The following PIK3C2G variants were observed in gnomAD, a reference collection of about 807,000 sequenced individuals.
PIK3C2G encodes phosphatidylinositol-4-phosphate 3-kinase catalytic subunit type 2 gamma.
PIK3C2G carries 168 observed loss-of-function variants against 181.1 expected under a neutral mutation model. That is an observed-to-expected ratio of 0.93 (90% CI 0.82 to 1.05). PIK3C2G has a LOEUF of 1.05. PIK3C2G is among the 50% of genes least tolerant of loss of function. The pLI, the probability that PIK3C2G is intolerant of heterozygous loss-of-function variation, is 0.00. For synonymous variants in PIK3C2G, 573 were observed against 592.2 expected (o/e 0.97, Z 0.47); for missense variants, 1,869 against 1,732.8 (o/e 1.08, Z -1.40).
intron 25 of PIK3C2G, among the ~76,000 whole-genome samples, chr12:18,545,744 G>A (rs552767404): frequency 2.0e-5 from 3 of 151,936 alleles, no homozygotes; most frequent in Admixed American, 1.3e-4. Context: ...GAATCATGGA[G>A]TCATAAAAGA....
At chr12:18,348,326 A>ACG in intron 11 of PIK3C2G, among the ~76,000 whole-genome samples, 1 of 151,530 alleles carries the variant, frequency 6.6e-6, no homozygotes, top group African/African-American at 2.4e-5. Context: ...GTGTGCATTT[A>ACG]CGCGTGTGTG....
At chr12:18,593,520 T>A (rs1387632119) in intron 29 of PIK3C2G, among the ~76,000 whole-genome samples, 1 of 151,872 alleles carries the variant, frequency 6.6e-6, no homozygotes, top group East Asian at 1.9e-4. Flanking sequence ...ACAGGGAGGC[T>A]GTCAGGCAGC....
At chr12:18,651,305 C>A (rs10743278), downstream of PIK3C2G, among the ~76,000 whole-genome samples, 5 of 151,554 alleles carry the variant, frequency 3.3e-5, 1 homozygote, top group South Asian at 4.2e-4. Context: ...CGTCTCTGCC[C>A]TGCCTACCTT....
At chr12:18,331,638 C>G (rs1169220142) in intron 8 of PIK3C2G, among the ~76,000 whole-genome samples, 1 of 151,962 alleles carries the variant, frequency 6.6e-6, no homozygotes, top group Non-Finnish European at 1.5e-5. Context: ...GTCTATAGCC[C>G]TCTTATTTTT....
the PIK3C2G span, among the ~76,000 whole-genome samples, chr12:18,708,312 T>C: frequency 6.6e-6 from 1 of 152,202 alleles, no homozygotes; most frequent in Non-Finnish European, 1.5e-5. Context: ...CTTAACATAA[T>C]GTCCTCACTC....
At chr12:18,702,044 T>A in the PIK3C2G span, among the ~76,000 whole-genome samples, 1 of 152,174 alleles carries the variant, frequency 6.6e-6, no homozygotes, top group East Asian at 1.9e-4. Flanking sequence ...AAGTTGGTAC[T>A]ATTCCAACAA....
chr12:18,675,748 T>C, the PIK3C2G span, among the ~76,000 whole-genome samples: 1 of 152,096 alleles, frequency 6.6e-6, no homozygotes, highest in African/African-American at 2.4e-5. Flanking sequence ...TGGAGTCCAT[T>C]ATTTTAAGTG....
chr12:18,586,456 G>T (rs948520935), intron 29 of PIK3C2G, among the ~76,000 whole-genome samples: 4 of 151,830 alleles, frequency 2.6e-5, no homozygotes, highest in African/African-American at 7.3e-5. Context: ...ACCTCTATGC[G>T]CACAAACTAG....
At chr12:18,678,409 G>A in the PIK3C2G span, among the ~76,000 whole-genome samples, 772 of 152,062 alleles carry the variant, frequency 5.1e-3, 7 homozygotes, top group African/African-American at 0.017. Flanking sequence ...AATTTGATTC[G>A]TTTTGACATA....
chr12:18,657,820 G>GA, the PIK3C2G span, among the ~76,000 whole-genome samples: 10 of 151,200 alleles, frequency 6.6e-5, no homozygotes, highest in South Asian at 2.1e-4. Flanking sequence ...CCCATACACA[G>GA]AAAAAAAAGG....
intron 24 of PIK3C2G, among the ~76,000 whole-genome samples, chr12:18,523,768 G>A (rs758147271): frequency 6.6e-6 from 1 of 152,168 alleles, no homozygotes; most frequent in Non-Finnish European, 1.5e-5. Flanking sequence ...CCAGTATGGG[G>A]AAAACTTAAA....
intron 18 of PIK3C2G, among the ~76,000 whole-genome samples, chr12:18,470,146 G>T (rs563010077): frequency 6.6e-6 from 1 of 152,084 alleles, no homozygotes; most frequent in East Asian, 1.9e-4. Context: ...TAAACAATTT[G>T]GGAGATATTA....
At chr12:18,382,275 A>T (rs1244676184) in intron 14 of PIK3C2G, among the ~76,000 whole-genome samples, 1 of 152,190 alleles carries the variant, frequency 6.6e-6, no homozygotes, top group Non-Finnish European at 1.5e-5. Flanking sequence ...CTTCTGTTAT[A>T]TGTTTCTTAA....
intron 12 of PIK3C2G, among the ~76,000 whole-genome samples, chr12:18,364,618 C>A (rs1941506717): frequency 6.6e-6 from 1 of 152,046 alleles, no homozygotes; most frequent in African/African-American, 2.4e-5. Flanking sequence ...TATTAACCAA[C>A]CCAGGTGCGG....
rs1320701274 is a variant in PIK3C2G, at chr12:18,282,378, T to C, written c.297T>C (p.His99=). Residue 99 remains histidine, a synonymous_variant, in exon 2 of 33, where the codon CAT becomes CAC. Transcript: ENST00000538779. ...CTAAAAGCCGTGAACTCTCCTGGCA[T>C]CAAGTTAGCAAAGCACCAGCAATTG... is the stretch of plus-strand genomic sequence containing the variant. ...FTSKSRELSW[H]QVSKAPAIGF... The C allele has an allele frequency of 6.2e-7, 1 of 1,613,730 alleles. No individual in the cohort carries two copies. The highest frequency in any genetic ancestry group is 8.5e-7 in the Non-Finnish European group (1 of 1,179,712).
intron 11 of PIK3C2G, 143 bp from the exon 12 acceptor site, chr12:18,362,618 ATTC>A (rs1454031855): frequency 8.5e-6 from 5 of 588,952 alleles, no homozygotes; most frequent in African/African-American, 7.8e-5. Context: ...CTCAGCCTAA[ATTC>A]TTAAAGCAAT....
intron 18 of PIK3C2G, among the ~76,000 whole-genome samples, chr12:18,487,376 G>C (rs970970840): frequency 4.6e-5 from 7 of 151,960 alleles, no homozygotes; most frequent in Non-Finnish European, 1.0e-4. Flanking sequence ...ACATTGGACA[G>C]AGATGCAAAA....
chr12:18,599,269 C>T (rs1266195284), intron 30 of PIK3C2G, among the ~76,000 whole-genome samples: 6 of 152,112 alleles, frequency 3.9e-5, no homozygotes, highest in Non-Finnish European at 8.8e-5. Flanking sequence ...CAATGAAAGA[C>T]TGGATTAAGA....
At chr12:18,714,912 G>A in the PIK3C2G span, 1 of 152,018 alleles carries the variant, frequency 6.6e-6, no homozygotes, top group South Asian at 2.1e-4. Context: ...CCTGGAGAAG[G>A]GAGTGTCGTC....
Sources: gnomAD v4.1 joint callset for allele counts (sites outside exome capture counted in the v4.1 genomes callset) on GRCh38, gnomAD v4.1.1 for gene constraint, MANE v1.5 for transcripts, NCBI Gene and HGNC (gene_info 2026-07-23, HGNC 2026-07-21) for gene names.